The following ITFG1 variants were observed in gnomAD, a reference collection of about 807,000 sequenced individuals.
ITFG1 encodes integrin alpha FG-GAP repeat containing 1.
Under a neutral mutation model 81.8 loss-of-function variants are expected in ITFG1, and 34 were observed. That is an observed-to-expected ratio of 0.42 (90% CI 0.32 to 0.55). ITFG1 has a LOEUF of 0.55. Among genes scored for constraint, ITFG1 ranks in the 20% least tolerant of loss-of-function variants. The probability of loss-of-function intolerance (pLI) is 0.17; values close to 1 mark genes in which losing one functional copy is unlikely to be tolerated. For missense variants in ITFG1, 672 were observed against 755.4 expected (o/e 0.89, Z 1.29); for synonymous variants, 285 against 270.6 (o/e 1.05, Z -0.52).
chr16:47,344,233 A>G (rs1967821453), intron 8 of ITFG1, among the ~76,000 whole-genome samples: 2 of 152,208 alleles, frequency 1.3e-5, no homozygotes, highest in South Asian at 4.1e-4. Flanking sequence ...ATGCCACTGA[A>G]TTAATACATT....
intron 6 of ITFG1, among the ~76,000 whole-genome samples, chr16:47,394,961 T>C (rs990153429): frequency 3.3e-5 from 5 of 152,182 alleles, no homozygotes; most frequent in Non-Finnish European, 5.9e-5. Flanking sequence ...AATAATACTT[T>C]TTAGATATTT....
At chr16:47,274,022 C>A (rs1028562396) in intron 10 of ITFG1, among the ~76,000 whole-genome samples, 2 of 152,028 alleles carry the variant, frequency 1.3e-5, no homozygotes, top group African/African-American at 4.8e-5. Flanking sequence ...TTTGGGAGAC[C>A]GAGGTAGGTG....
chr16:47,191,107 T>C (rs973432416), intron 14 of ITFG1, among the ~76,000 whole-genome samples: 2 of 152,192 alleles, frequency 1.3e-5, no homozygotes, highest in African/African-American at 4.8e-5. Flanking sequence ...TGGGGAGGCA[T>C]GAATTATTGG....
intron 14 of ITFG1, among the ~76,000 whole-genome samples, chr16:47,180,800 G>A (rs1355901782): frequency 6.6e-6 from 1 of 151,948 alleles, no homozygotes; most frequent in African/African-American, 2.4e-5. Context: ...CTGCCCGGCC[G>A]CCACCCCGTC....
chr16:47,439,427 GCC>G (rs1969215279), intron 5 of ITFG1, among the ~76,000 whole-genome samples: 1 of 152,206 alleles, frequency 6.6e-6, no homozygotes. Context: ...GTTAAGGACA[GCC>G]AGAGAGAAAG....
In ITFG1 at chr16:47,311,442, T is replaced by C. The variant is rs1230865952; in HGVS notation, c.898-30A>G. ...GGATTAAGAGAAAAAGATCAGACTT[T>C]ATAGTTATTTTATAAAAAAATTTAT... On this transcript the variant is annotated intron_variant, in intron 9 of 17. Transcript: ENST00000320640. 6.6e-5 allele frequency: 99 copies of C among 1,492,268 alleles called. No individual in the cohort carries two copies. In the Admixed American group the frequency reaches 1.8e-3, roughly 26 times the overall value. 92.4% of individuals were successfully genotyped at this position (1,492,268 alleles called of 1,614,324 possible). A position where few individuals can be genotyped will look rare whatever the true frequency, so the allele number is the denominator to read the frequency against.
At chr16:47,420,428 G>A (rs1441670327) in intron 6 of ITFG1, among the ~76,000 whole-genome samples, 1 of 152,174 alleles carries the variant, frequency 6.6e-6, no homozygotes, top group East Asian at 1.9e-4. Flanking sequence ...CAGTGAGAGT[G>A]TGATGTTGAA....
intron 5 of ITFG1, among the ~76,000 whole-genome samples, chr16:47,451,069 G>T (rs528224189): frequency 4.6e-5 from 7 of 152,186 alleles, no homozygotes; most frequent in Non-Finnish European, 7.3e-5. Context: ...AAGGTACTAA[G>T]ATAGGGAGGA....
At chr16:47,343,272 C>A (rs1967808605) in intron 8 of ITFG1, among the ~76,000 whole-genome samples, 2 of 152,018 alleles carry the variant, frequency 1.3e-5, no homozygotes, top group Admixed American at 1.3e-4. Context: ...AACTGGATTT[C>A]CACATGAAAA....
intron 10 of ITFG1, among the ~76,000 whole-genome samples, chr16:47,295,352 T>C (rs938938141): frequency 6.6e-6 from 1 of 152,186 alleles, no homozygotes; most frequent in Non-Finnish European, 1.5e-5. Context: ...TCCCTTCTCC[T>C]TGATTTTTTG....
chr16:47,286,367 C>A (rs951215660), intron 10 of ITFG1, among the ~76,000 whole-genome samples: 3 of 151,910 alleles, frequency 2.0e-5, no homozygotes, highest in African/African-American at 7.3e-5. Context: ...AGGCTGGGCG[C>A]GGTGGCTCAC....
intron 13 of ITFG1, among the ~76,000 whole-genome samples, chr16:47,234,385 C>T (rs1204773809): frequency 6.6e-6 from 1 of 152,106 alleles, no homozygotes; most frequent in African/African-American, 2.4e-5. Context: ...GTAGATTGGA[C>T]ATGACCTAAG....
chr16:47,312,404 G>A (rs1425406406), intron 9 of ITFG1: 1 of 151,984 alleles, frequency 6.6e-6, no homozygotes, highest in Non-Finnish European at 1.5e-5. Flanking sequence ...TTGAAAAGGG[G>A]TTAATAAACA....
intron 14 of ITFG1, among the ~76,000 whole-genome samples, chr16:47,166,613 T>A (rs1964892535): frequency 6.6e-6 from 1 of 152,226 alleles, no homozygotes; most frequent in African/African-American, 2.4e-5. Context: ...TTATTATGTA[T>A]ACTTCTAAAA....
chr16:47,265,255 A>C (rs369554581), intron 10 of ITFG1, among the ~76,000 whole-genome samples: 1 of 151,420 alleles, frequency 6.6e-6, no homozygotes, highest in Non-Finnish European at 1.5e-5. Flanking sequence ...TTATGTCTAT[A>C]TTTTTCTTTA....
chr16:47,451,888 C>G (rs1421544660), intron 4 of ITFG1, among the ~76,000 whole-genome samples: 2 of 152,090 alleles, frequency 1.3e-5, no homozygotes, highest in Admixed American at 6.5e-5. Flanking sequence ...TCTAGACTAC[C>G]CTTGAATGAT....
chr16:47,291,354 T>C (rs1966903228), intron 10 of ITFG1, among the ~76,000 whole-genome samples: 1 of 152,186 alleles, frequency 6.6e-6, no homozygotes, highest in Non-Finnish European at 1.5e-5. Flanking sequence ...CCTCATTCTC[T>C]TGCTGTTTTT....
intron 8 of ITFG1, among the ~76,000 whole-genome samples, chr16:47,353,566 G>T (rs1469003479): frequency 6.6e-6 from 1 of 151,992 alleles, no homozygotes; most frequent in African/African-American, 2.4e-5. Context: ...TTATGTGAAA[G>T]ATATTAAAAG....
intron 5 of ITFG1, among the ~76,000 whole-genome samples, chr16:47,431,620 C>A (rs1333643303): frequency 6.6e-6 from 1 of 152,014 alleles, no homozygotes; most frequent in Non-Finnish European, 1.5e-5. Context: ...GATGGTTGTG[C>A]AAAATTGTAA....
Sources: gnomAD v4.1 joint callset for allele counts (sites outside exome capture counted in the v4.1 genomes callset) on GRCh38, gnomAD v4.1.1 for gene constraint, MANE v1.5 for transcripts, NCBI Gene and HGNC (gene_info 2026-07-23, HGNC 2026-07-21) for gene names.